The following ADAM32 variants were observed in gnomAD, a reference collection of about 807,000 sequenced individuals.
The protein encoded by ADAM32 is ADAM metallopeptidase domain 32, also known as disintegrin and metalloproteinase domain-containing protein 32.
Under a neutral mutation model 114.9 loss-of-function variants are expected in ADAM32, and 89 were observed. That is an observed-to-expected ratio of 0.77 (90% CI 0.65 to 0.92). ADAM32 has a LOEUF of 0.92. Ranked by LOEUF, ADAM32 falls within the 40% of genes least tolerant of loss-of-function variation. The pLI, the probability that ADAM32 is intolerant of heterozygous loss-of-function variation, is 0.00. For missense variants in ADAM32, 870 were observed against 932.8 expected (o/e 0.93, Z 0.88); for synonymous variants, 285 against 307.5 (o/e 0.93, Z 0.77).
intron 10 of ADAM32, among the ~76,000 whole-genome samples, chr8:39,183,562 C>T (rs1307519411): frequency 6.6e-6 from 1 of 152,212 alleles, no homozygotes; most frequent in African/African-American, 2.4e-5. Flanking sequence ...CTTTCCTCAT[C>T]ATCACTCACT....
intron 2 of ADAM32, among the ~76,000 whole-genome samples, chr8:39,125,480 C>A (rs1350785535): frequency 6.6e-6 from 1 of 152,100 alleles, no homozygotes; most frequent in Non-Finnish European, 1.5e-5. Context: ...TCAACCGTAC[C>A]TGATTTAAGT....
intron 2 of ADAM32, among the ~76,000 whole-genome samples, chr8:39,134,315 C>T (rs960904339): frequency 2.0e-5 from 3 of 151,906 alleles, no homozygotes; most frequent in Non-Finnish European, 4.4e-5. Context: ...ACCAGGAGTG[C>T]AGGTAGGCAG....
chr8:39,264,164 T>A (rs1812212811), intron 19 of ADAM32, among the ~76,000 whole-genome samples: 1 of 152,214 alleles, frequency 6.6e-6, no homozygotes. Flanking sequence ...TCATGTTTGT[T>A]ACAGGGTTAA....
At chr8:39,256,138 C>T (rs1811634501) in intron 18 of ADAM32, among the ~76,000 whole-genome samples, 2 of 151,648 alleles carry the variant, frequency 1.3e-5, no homozygotes, top group Non-Finnish European at 3.0e-5. Flanking sequence ...GCCTTATTGT[C>T]TATGGCCATA....
rs577471265 is a variant in ADAM32, at chr8:39,145,802, G to A, written c.201-1328G>A. On this transcript the variant is annotated intron_variant, in intron 3 of 24. Coordinates refer to ENST00000379907, the MANE Select transcript of ADAM32 (RefSeq NM_145004.7). ...GTTGGAAAGCAGTGGTGGCATCTCA[G>A]CTCACTGCAGCCTTGAACTCCTGGC... 1.7e-3 allele frequency among the ~76,000 whole-genome samples: 256 copies of A among 152,234 alleles called. 1 individual carries two copies. Among genetic ancestry groups the A allele is most frequent in the Middle Eastern group, 3.4e-3 (1 of 294 alleles).
rs552586627 is a variant in ADAM32 at position 39,180,560 on chromosome 8, C to T, written c.916-6349C>T. ...GGCAGCTCCACCTGCAGCCCTGGTG[C>T]GGGATCCACTGGATGAAGCCAGCTG... is the stretch of plus-strand genomic sequence containing the variant. On this transcript the variant is annotated intron_variant, in intron 10 of 24. Transcript: ENST00000379907. Among the ~76,000 whole-genome samples the T allele has an allele frequency of 4.6e-4, 70 of 152,362 alleles. No homozygotes were observed. In the South Asian group the frequency reaches 8.1e-3, roughly 18 times the overall value.
intron 3 of ADAM32, among the ~76,000 whole-genome samples, chr8:39,137,037 A>C (rs1194409524): frequency 6.6e-6 from 1 of 152,216 alleles, no homozygotes; most frequent in Admixed American, 6.5e-5. Context: ...GGTTTATATC[A>C]GTTAGGGTTT....
At chr8:39,118,244 C>T in intron 2 of ADAM32, 79 bp downstream of exon 2, 1 of 863,224 alleles carries the variant, frequency 1.2e-6, no homozygotes, top group Non-Finnish European at 1.6e-6. Flanking sequence ...ATATGTCAAG[C>T]CCATTTTAAT....
At chr8:39,214,685 T>C (rs1808447624) in intron 12 of ADAM32, among the ~76,000 whole-genome samples, 1 of 152,134 alleles carries the variant, frequency 6.6e-6, no homozygotes, top group Admixed American at 6.6e-5. Flanking sequence ...AGAAGGCTTT[T>C]AACATGATGT....
At chr8:39,238,798 T>C (rs983323018) in intron 16 of ADAM32, among the ~76,000 whole-genome samples, 6 of 151,742 alleles carry the variant, frequency 4.0e-5, no homozygotes, top group African/African-American at 1.5e-4. Flanking sequence ...GTTTCAACAA[T>C]AGAATTGAAC....
At chr8:39,119,609 C>A (rs994111806) in intron 2 of ADAM32, among the ~76,000 whole-genome samples, 2 of 151,976 alleles carry the variant, frequency 1.3e-5, no homozygotes, top group African/African-American at 2.4e-5. Flanking sequence ...CTGGACACAA[C>A]TTCTCTATTT....
At chr8:39,196,228 T>C (rs1169565149) in intron 11 of ADAM32, among the ~76,000 whole-genome samples, 1 of 152,132 alleles carries the variant, frequency 6.6e-6, no homozygotes, top group Non-Finnish European at 1.5e-5. Context: ...GATCAGTTTT[T>C]AGAGTTTTTT....
intron 10 of ADAM32, among the ~76,000 whole-genome samples, chr8:39,171,570 T>C (rs1184657344): frequency 1.3e-5 from 2 of 152,126 alleles, no homozygotes; most frequent in African/African-American, 2.4e-5. Flanking sequence ...ACATGGTAAA[T>C]TGTTTAAACT....
chr8:39,157,767 T>G (rs986304563), intron 6 of ADAM32: 6 of 1,380,832 alleles, frequency 4.3e-6, no homozygotes, highest in African/African-American at 1.4e-5. Flanking sequence ...CATTGGTCAC[T>G]TCACCATAGT....
At chr8:39,173,271 G>GCAAA (rs1191046084) in intron 10 of ADAM32, among the ~76,000 whole-genome samples, 1 of 151,950 alleles carries the variant, frequency 6.6e-6, no homozygotes, top group African/African-American at 2.4e-5. Context: ...AAACAAACAA[G>GCAAA]CAAACAAACA....
intron 14 of ADAM32, among the ~76,000 whole-genome samples, chr8:39,226,631 A>G (rs911943699): frequency 1.3e-5 from 2 of 152,054 alleles, no homozygotes; most frequent in Non-Finnish European, 2.9e-5. Flanking sequence ...TCGTGCTGAA[A>G]GAAAAAAAAA....
chr8:39,220,592 C>T (rs569061827), intron 12 of ADAM32, among the ~76,000 whole-genome samples: 346 of 152,068 alleles, frequency 2.3e-3, no homozygotes, highest in Non-Finnish European at 3.8e-3. Flanking sequence ...TGCTGTATCT[C>T]ATAGGTTTTG....
intron 17 of ADAM32, among the ~76,000 whole-genome samples, chr8:39,247,689 A>G (rs375856036): frequency 1.5e-4 from 23 of 150,618 alleles, no homozygotes; most frequent in African/African-American, 5.4e-4. Flanking sequence ...TTTTAATTTT[A>G]TGAGGCCCAG....
intron 14 of ADAM32, among the ~76,000 whole-genome samples, chr8:39,228,631 A>C (rs1053899919): frequency 6.6e-6 from 1 of 152,194 alleles, no homozygotes; most frequent in South Asian, 2.1e-4. Flanking sequence ...AACAAAGACA[A>C]GGGAAAAAGA....
Sources: gnomAD v4.1 joint callset for allele counts (sites outside exome capture counted in the v4.1 genomes callset) on GRCh38, gnomAD v4.1.1 for gene constraint, MANE v1.5 for transcripts, NCBI Gene and HGNC (gene_info 2026-07-23, HGNC 2026-07-21) for gene names.